COL24A1: variants seen among roughly 807,000 people sequenced by gnomAD.
COL24A1 encodes collagen type XXIV alpha 1 chain, also known as collagen alpha-1(XXIV) chain.
A neutral mutation model predicts 253.9 loss-of-function variants in COL24A1; 224 were observed. The observed-to-expected ratio is 0.88, with a 90% CI of 0.79 to 0.99. The LOEUF (loss-of-function observed/expected upper bound fraction) is 0.99. COL24A1 is among the 50% of genes least tolerant of loss of function. The probability of loss-of-function intolerance (pLI) is 0.00; values close to 1 mark genes in which losing one functional copy is unlikely to be tolerated. For synonymous variants in COL24A1, 685 were observed against 673.7 expected (o/e 1.02, Z -0.26); for missense variants, 2,131 against 2,068.5 (o/e 1.03, Z -0.59).
chr1:85,994,270 G>T (rs1694560826), intron 19 of COL24A1, among the ~76,000 whole-genome samples: 1 of 151,684 alleles, frequency 6.6e-6, no homozygotes, highest in Non-Finnish European at 1.5e-5. Context: ...CAAAGCCTTG[G>T]CTGGTGTTGT....
intron 20 of COL24A1, among the ~76,000 whole-genome samples, chr1:85,973,277 C>T (rs1408236672): frequency 6.6e-6 from 1 of 151,950 alleles, no homozygotes; most frequent in African/African-American, 2.4e-5. Context: ...CAATATTAGG[C>T]CCTAAGTATA....
chr1:86,105,389 C>T (rs114980379), intron 5 of COL24A1, among the ~76,000 whole-genome samples: 2,414 of 152,260 alleles, frequency 0.016, 71 homozygotes, highest in African/African-American at 0.05. Context: ...GTTGCGTGTC[C>T]AGAGGGCCGC....
chr1:86,070,707 A>AT, intron 7 of COL24A1, among the ~76,000 whole-genome samples: 1 of 152,232 alleles, frequency 6.6e-6, no homozygotes, highest in Non-Finnish European at 1.5e-5. Flanking sequence ...AAGGAAAAAA[A>AT]CTTTTACCCT....
At chr1:86,118,036 T>A (rs1265678330) in intron 3 of COL24A1, among the ~76,000 whole-genome samples, 1 of 151,158 alleles carries the variant, frequency 6.6e-6, no homozygotes, top group East Asian at 2.0e-4. Flanking sequence ...GCAGTGATAG[T>A]AGTTAACCAG....
At chr1:85,824,743 A>G (rs1359525983) in intron 43 of COL24A1, among the ~76,000 whole-genome samples, 1 of 152,074 alleles carries the variant, frequency 6.6e-6, no homozygotes, top group Non-Finnish European at 1.5e-5. Context: ...ATGCAGGAAT[A>G]ATTCTGCGTG....
At chr1:86,031,773 G>T in intron 14 of COL24A1, 105 bp downstream of exon 14, 2 of 809,326 alleles carry the variant, frequency 2.5e-6, no homozygotes, top group South Asian at 2.3e-5. Context: ...AACCAACAAT[G>T]ACAGTAAAAC....
chr1:86,121,241 G>A (rs1041679058), intron 3 of COL24A1, among the ~76,000 whole-genome samples: 7 of 152,078 alleles, frequency 4.6e-5, no homozygotes, highest in Admixed American at 3.9e-4. Context: ...GTATACATAT[G>A]TAACAAACCT....
intron 40 of COL24A1, 30 bp from the exon 41 acceptor site, chr1:85,842,151 T>C: frequency 1.3e-6 from 2 of 1,595,040 alleles, no homozygotes; most frequent in Non-Finnish European, 1.7e-6. Context: ...CATTTATACA[T>C]GCTCTACCTA....
At chr1:85,916,540 G>T (rs1685915117) in intron 24 of COL24A1, among the ~76,000 whole-genome samples, 1 of 152,070 alleles carries the variant, frequency 6.6e-6, no homozygotes, top group African/African-American at 2.4e-5. Flanking sequence ...AATAAAATTA[G>T]CTGGGTGTGG....
intron 19 of COL24A1, among the ~76,000 whole-genome samples, chr1:85,992,143 A>G (rs1265593822): frequency 6.6e-6 from 1 of 151,594 alleles, no homozygotes; most frequent in African/African-American, 2.4e-5. Flanking sequence ...TCATTGTTCA[A>G]TTCCCACCTA....
rs563227974 is a variant in COL24A1, at chr1:86,011,249, C to A, written c.2310+5902G>T. ...TCCATGAATAAACTCAGCTTAACCA[C>A]TGATTACACTACTCTAAAGTGGTAA... On this transcript the variant is annotated intron_variant, in intron 19 of 59. Transcript: ENST00000370571. Among the ~76,000 whole-genome samples the A allele has an allele frequency of 7.2e-5, 11 of 152,252 alleles. No individual in the cohort carries two copies. In the South Asian group the frequency reaches 2.3e-3, roughly 32 times the overall value.
intron 24 of COL24A1, among the ~76,000 whole-genome samples, chr1:85,950,657 G>A (rs1689801724): frequency 1.3e-5 from 2 of 152,304 alleles, no homozygotes; most frequent in South Asian, 4.1e-4. Flanking sequence ...ACAAACAGAA[G>A]TTACCCTTCA....
chr1:85,969,150 T>G (rs1308156464), intron 22 of COL24A1, among the ~76,000 whole-genome samples: 1 of 152,210 alleles, frequency 6.6e-6, no homozygotes, highest in Non-Finnish European at 1.5e-5. Flanking sequence ...AAGATCAATT[T>G]TATTGGGCTC....
intron 51 of COL24A1, among the ~76,000 whole-genome samples, chr1:85,781,927 T>G (rs1286606944): frequency 6.6e-6 from 1 of 152,248 alleles, no homozygotes; most frequent in African/African-American, 2.4e-5. Flanking sequence ...TCTCAGTGAA[T>G]ACAAAATGCC....
At chr1:85,911,579 T>G (rs541133808) in intron 24 of COL24A1, 146 bp from the exon 25 acceptor site, 80 of 710,620 alleles carry the variant, frequency 1.1e-4, no homozygotes, top group Non-Finnish European at 4.5e-5. Context: ...TGTATAGCTA[T>G]GCAGTCTGTG....
chr1:85,896,161 C>T (rs1300755239), intron 29 of COL24A1, 96 bp from the exon 30 acceptor site: 1 of 1,328,048 alleles, frequency 7.5e-7, no homozygotes, highest in Non-Finnish European at 1.1e-6. Flanking sequence ...ACAAAAAAGA[C>T]AGTAAGTATA....
chr1:85,907,409 T>A (rs1684946525), intron 27 of COL24A1, among the ~76,000 whole-genome samples, 162 bp from the exon 28 acceptor site: 1 of 151,932 alleles, frequency 6.6e-6, no homozygotes, highest in South Asian at 2.1e-4. Context: ...TCTACCAATA[T>A]TCTGCTTTTG....
chr1:86,147,511 C>T (rs1332391887), intron 1 of COL24A1, among the ~76,000 whole-genome samples: 1 of 152,088 alleles, frequency 6.6e-6, no homozygotes, highest in Admixed American at 6.5e-5. Flanking sequence ...ATAACTAAAC[C>T]ATATATTCTA....
chr1:85,978,672 G>C lies in COL24A1; in HGVS notation c.2365-7279C>G, dbSNP rs188274032. 2.0e-3 allele frequency among the ~76,000 whole-genome samples: 302 copies of C among 152,214 alleles called. 10 individuals are homozygous for C. In the South Asian group the frequency reaches 0.05, roughly 25 times the overall value. On this transcript the variant is annotated intron_variant, in intron 20 of 59. Coordinates refer to ENST00000370571, the MANE Select transcript of COL24A1 (RefSeq NM_152890.7). ...CTCAATATATATGCACCTAACACTGGAGCTTCCAAATTGATAAAACAATTA... is the reference window on the plus strand; with the variant it reads ...CTCAATATATATGCACCTAACACTGCAGCTTCCAAATTGATAAAACAATTA...
Sources: gnomAD v4.1 joint callset for allele counts (sites outside exome capture counted in the v4.1 genomes callset) on GRCh38, gnomAD v4.1.1 for gene constraint, MANE v1.5 for transcripts, NCBI Gene and HGNC (gene_info 2026-07-23, HGNC 2026-07-21) for gene names.